Variants in PLPP4 observed in about 807,000 individuals in gnomAD.
The protein encoded by PLPP4 is diacylglycerol pyrophosphate like 2.
In PLPP4, 20 loss-of-function variants were observed where a neutral mutation model predicts 32.2. The observed-to-expected ratio is 0.62, with a 90% CI of 0.44 to 0.90. The LOEUF (loss-of-function observed/expected upper bound fraction) is 0.90, where lower values mean the gene tolerates loss of function less well. PLPP4 is among the 40% of genes least tolerant of loss of function. The probability of loss-of-function intolerance (pLI) is 0.00; values close to 1 mark genes in which losing one functional copy is unlikely to be tolerated. For missense variants in PLPP4, 257 were observed against 353.1 expected (o/e 0.73, Z 2.18); for synonymous variants, 127 against 133.0 (o/e 0.95, Z 0.31).
chr10:120,524,172 A>T (rs1326651), intron 5 of PLPP4, among the ~76,000 whole-genome samples: 14,798 of 151,974 alleles, frequency 0.097, 1,361 homozygotes, highest in African/African-American at 0.24. Flanking sequence ...ATTTTCATTT[A>T]TTTTCTCCTT....
At chr10:120,561,587 G>C (rs943634152) in intron 5 of PLPP4, among the ~76,000 whole-genome samples, 1 of 152,076 alleles carries the variant, frequency 6.6e-6, no homozygotes, top group Non-Finnish European at 1.5e-5. Context: ...AATCTCCTTG[G>C]ATAGATTAGG....
chr10:120,492,910 C>G (rs915128209), intron 1 of PLPP4, among the ~76,000 whole-genome samples: 2 of 152,120 alleles, frequency 1.3e-5, no homozygotes, highest in Non-Finnish European at 2.9e-5. Flanking sequence ...GTTTATTGTT[C>G]ATATATGTAT....
chr10:120,574,979 C>T, intron 5 of PLPP4, 152 bp from the exon 6 acceptor site: 1 of 702,232 alleles, frequency 1.4e-6, no homozygotes, highest in Non-Finnish European at 2.4e-6. Context: ...CAGCATGGTG[C>T]TAGCAGGAGC....
intron 1 of PLPP4, among the ~76,000 whole-genome samples, chr10:120,488,602 A>G (rs1045278608): frequency 3.9e-5 from 6 of 152,198 alleles, no homozygotes; most frequent in Non-Finnish European, 7.3e-5. Context: ...ACAGTTGTAA[A>G]GTAATCAGTG....
intron 6 of PLPP4, among the ~76,000 whole-genome samples, chr10:120,587,971 G>A (rs1182322019): frequency 6.6e-6 from 1 of 152,198 alleles, no homozygotes; most frequent in Admixed American, 6.5e-5. Context: ...TGGGACCTCA[G>A]ACAGTCATGT....
chr10:120,504,373 T>G (rs551889713), intron 2 of PLPP4, among the ~76,000 whole-genome samples: 2 of 152,180 alleles, frequency 1.3e-5, no homozygotes, highest in Non-Finnish European at 2.9e-5. Flanking sequence ...AGCTGAAAAC[T>G]TTCTTAAATA....
At chr10:120,471,330 C>G (rs1264840635) in intron 1 of PLPP4, among the ~76,000 whole-genome samples, 1 of 138,390 alleles carries the variant, frequency 7.2e-6, no homozygotes, top group African/African-American at 2.5e-5. Context: ...ATGTTTTATC[C>G]CCTTTGTTTC....
chr10:120,503,178 G>A (rs1489178547), intron 1 of PLPP4, among the ~76,000 whole-genome samples: 1 of 152,190 alleles, frequency 6.6e-6, no homozygotes, highest in Non-Finnish European at 1.5e-5. Flanking sequence ...CAAAATCAAA[G>A]TCCTCTAGCC....
rs146747926 is a variant in PLPP4, at chr10:120,550,782, T to C, written c.446-24349T>C. Reference sequence around the variant, plus strand: ...AATTAATCACATACTAAAAAGTTCATCTATAAATCATATAGAAGATAATAT... The same window carrying C: ...AATTAATCACATACTAAAAAGTTCACCTATAAATCATATAGAAGATAATAT... On this transcript the variant is annotated intron_variant, in intron 5 of 6. Transcript: ENST00000398250. Among the ~76,000 whole-genome samples, 92 of 152,140 alleles carry C rather than the reference T, an allele frequency of 6.0e-4. 1 individual carries two copies. The East Asian group carries it at 0.013, about 21-fold the overall frequency.
intron 1 of PLPP4, among the ~76,000 whole-genome samples, chr10:120,472,636 A>C (rs992940236): frequency 9.9e-5 from 15 of 152,112 alleles, no homozygotes; most frequent in African/African-American, 3.6e-4. Flanking sequence ...TCATCAATTA[A>C]ATAGTCCTAA....
chr10:120,539,747 C>T (rs1276207469), intron 5 of PLPP4, among the ~76,000 whole-genome samples: 1 of 152,152 alleles, frequency 6.6e-6, no homozygotes, highest in East Asian at 1.9e-4. Context: ...ACAAGTTGTT[C>T]TCTTTCATGG....
At chr10:120,494,258 T>G (rs574729795) in intron 1 of PLPP4, among the ~76,000 whole-genome samples, 48 of 152,330 alleles carry the variant, frequency 3.2e-4, no homozygotes, top group African/African-American at 1.1e-3. Context: ...TCATAAGCAC[T>G]TCATATGAAT....
chr10:120,518,792 G>A lies in PLPP4; in HGVS notation c.257-41G>A, dbSNP rs746641403. ...TGATGATGATGATTTTGATTTAAGA[G>A]CCAGCTTGCTATTTTTCTGTCTGTT... is the stretch of plus-strand genomic sequence containing the variant. On this transcript the variant is annotated intron_variant, in intron 3 of 6. Coordinates refer to ENST00000398250, the MANE Select transcript of PLPP4 (RefSeq NM_001030059.3). 4 of 1,548,020 alleles carry A rather than the reference G, an allele frequency of 2.6e-6. No individual in the cohort carries two copies. The Admixed American group carries it at 5.1e-5, about 20-fold the overall frequency.
chr10:120,556,274 G>T (rs1376986111), intron 5 of PLPP4, among the ~76,000 whole-genome samples: 1 of 152,164 alleles, frequency 6.6e-6, no homozygotes, highest in African/African-American at 2.4e-5. Flanking sequence ...TGCCCTGGGG[G>T]GTAATTCTTC....
rs576112880 is a variant in PLPP4 at position 120,503,451 on chromosome 10, C to T, written c.57-367C>T. The stretch of plus-strand genomic sequence containing the variant: ...CAGTTACTCCCTCCCTTATGTTCCA[C>T]CTCAAACCCATTTTGTTTTCAAGAG... On this transcript the variant is annotated intron_variant, in intron 1 of 6. Coordinates refer to ENST00000398250, the MANE Select transcript of PLPP4 (RefSeq NM_001030059.3). The T allele has an allele frequency of 2.5e-4, 307 of 1,246,860 alleles. No individual in the cohort carries two copies. The South Asian group carries it at 3.9e-3, about 16-fold the overall frequency. The allele number at this position is 1,246,860 out of a possible 1,614,324, so 77.2% of individuals were successfully genotyped here. A position where few individuals can be genotyped will look rare whatever the true frequency, so the allele number is the denominator to read the frequency against.
At position 120,591,237 on chromosome 10, in the gene PLPP4, C is replaced by T. The variant is rs1235719026; in HGVS notation, c.*1735C>T. Among the ~76,000 whole-genome samples, 3 of 152,134 alleles carry T rather than the reference C, an allele frequency of 2.0e-5. No homozygotes were observed. The highest frequency in any genetic ancestry group is 4.4e-5 in the Non-Finnish European group (3 of 68,032). Reference sequence around the variant, plus strand: ...GCTCCATGGGCTTAAGCTTGGAGTGCATGTACCACTGACTATGCTCCATGA... The same window carrying T: ...GCTCCATGGGCTTAAGCTTGGAGTGTATGTACCACTGACTATGCTCCATGA... On this transcript the variant is annotated 3_prime_UTR_variant, in exon 7 of 7. Transcript: ENST00000398250.
intron 5 of PLPP4, among the ~76,000 whole-genome samples, chr10:120,549,611 T>C (rs768894831): frequency 3.9e-5 from 6 of 151,958 alleles, no homozygotes; most frequent in Non-Finnish European, 8.8e-5. Context: ...TAAATGTAGA[T>C]ACAGAATTCT....
intron 2 of PLPP4, among the ~76,000 whole-genome samples, chr10:120,505,656 A>G (rs2133870968): frequency 6.6e-6 from 1 of 152,368 alleles, no homozygotes. Context: ...TTGCTTCTTA[A>G]TAATTACTTT....
intron 2 of PLPP4, among the ~76,000 whole-genome samples, chr10:120,512,944 C>T (rs1488937881): frequency 6.6e-6 from 1 of 152,176 alleles, no homozygotes; most frequent in African/African-American, 2.4e-5. Flanking sequence ...GAACACTATT[C>T]GTCAACAGTT....
Sources: gnomAD v4.1 joint callset for allele counts (sites outside exome capture counted in the v4.1 genomes callset) on GRCh38, gnomAD v4.1.1 for gene constraint, MANE v1.5 for transcripts, NCBI Gene and HGNC (gene_info 2026-07-23, HGNC 2026-07-21) for gene names.